The following LRRC49 variants were observed in gnomAD, a reference collection of about 807,000 sequenced individuals.
LRRC49 encodes the protein leucine-rich repeat-containing protein 49.
LRRC49 carries 50 observed loss-of-function variants against 83.3 expected under a neutral mutation model. That is an observed-to-expected ratio of 0.60 (90% CI 0.48 to 0.76). The LOEUF (loss-of-function observed/expected upper bound fraction) is 0.76. Ranked by LOEUF, LRRC49 falls within the 30% of genes least tolerant of loss-of-function variation. The probability of loss-of-function intolerance (pLI) is 0.00; values close to 1 mark genes in which losing one functional copy is unlikely to be tolerated. For synonymous variants in LRRC49, 286 were observed against 283.3 expected (o/e 1.01, Z -0.10); for missense variants, 704 against 809.1 (o/e 0.87, Z 1.58).
intron 8 of LRRC49, among the ~76,000 whole-genome samples, chr15:70,954,597 G>T (rs2036332804): frequency 1.3e-5 from 2 of 152,124 alleles, no homozygotes; most frequent in African/African-American, 4.8e-5. Context: ...TTTGGGTGAG[G>T]CTTTTTGTTT....
chr15:70,951,270 T>G (rs1344275924), intron 8 of LRRC49, among the ~76,000 whole-genome samples: 1 of 152,100 alleles, frequency 6.6e-6, no homozygotes, highest in East Asian at 1.9e-4. Context: ...ATATAGATTT[T>G]TATAATTTTT....
intron 11 of LRRC49, among the ~76,000 whole-genome samples, chr15:71,001,310 C>T (rs562893786): frequency 1.1e-3 from 171 of 152,252 alleles, no homozygotes; most frequent in African/African-American, 3.8e-3. Context: ...CTCTGTGAGA[C>T]TTTTGTTGGC....
chr15:70,886,803 T>C (rs2141088391), intron 2 of LRRC49, among the ~76,000 whole-genome samples: 1 of 151,598 alleles, frequency 6.6e-6, no homozygotes, highest in East Asian at 1.9e-4. Flanking sequence ...GTGGCAGAGG[T>C]TGTAGTGAGC....
intron 14 of LRRC49, among the ~76,000 whole-genome samples, chr15:71,019,738 T>C (rs2038936617): frequency 6.6e-6 from 1 of 152,218 alleles, no homozygotes; most frequent in Admixed American, 6.5e-5. Flanking sequence ...CATATAGATG[T>C]GCAGCCTGAA....
chr15:70,905,554 C>T (rs1173045864), intron 5 of LRRC49, among the ~76,000 whole-genome samples: 1 of 152,126 alleles, frequency 6.6e-6, no homozygotes, highest in African/African-American at 2.4e-5. Flanking sequence ...GACAGATTAA[C>T]AAGAGAAAAG....
intron 11 of LRRC49, among the ~76,000 whole-genome samples, chr15:71,005,546 C>G (rs1258787423): frequency 6.6e-6 from 1 of 151,914 alleles, no homozygotes; most frequent in Admixed American, 6.6e-5. Context: ...GAAATTATAT[C>G]CCATGTGTTT....
chr15:70,888,217 CAT>C (rs2033460781), upstream of LRRC49, among the ~76,000 whole-genome samples: 1 of 152,078 alleles, frequency 6.6e-6, no homozygotes, highest in Non-Finnish European at 1.5e-5. Flanking sequence ...AAGAGCCCAA[CAT>C]AGTCAAAATA....
At chr15:71,037,406 A>C in intron 15 of LRRC49, 74 bp downstream of exon 15, 1 of 1,231,838 alleles carries the variant, frequency 8.1e-7, no homozygotes, top group Non-Finnish European at 1.1e-6. Flanking sequence ...GGGGTTGTAC[A>C]TTTTACCCTT....
At chr15:70,911,669 A>T (rs1261887730) in intron 6 of LRRC49, 71 bp downstream of exon 6, 1 of 895,882 alleles carries the variant, frequency 1.1e-6, no homozygotes, top group Admixed American at 2.6e-5. Context: ...AAGTTTTAAG[A>T]ATCATACTCG....
At chr15:70,968,769 A>T (rs925811794) in intron 9 of LRRC49, among the ~76,000 whole-genome samples, 3 of 152,184 alleles carry the variant, frequency 2.0e-5, no homozygotes, top group African/African-American at 7.2e-5. Context: ...TGATGGCTAC[A>T]TAAATGTCTT....
rs768051428 is a variant in LRRC49, at chr15:70,963,919, T to C, written c.908T>C (p.Met303Thr). 1.9e-6 allele frequency: 3 copies of C among 1,613,134 alleles called. No homozygotes were observed. The highest frequency in any genetic ancestry group is 1.1e-5 in the South Asian group (1 of 90,934). The change falls in exon 9 of 16, where the codon ATG becomes ACG. Residue 303 changes from methionine to threonine, a missense_variant. Around this residue, in one of 3 missense-constraint regions of LRRC49, gnomAD observed 168 missense variants for 140.6 expected, o/e 1.20. Transcript: ENST00000260382. ...ATGATGCAGCTGCGCCAGCTAGATATGAAGAGAATCACGGTGAGAACCCTT... is the reference window on the plus strand; with the variant it reads ...ATGATGCAGCTGCGCCAGCTAGATACGAAGAGAATCACGGTGAGAACCCTT... Reference protein sequence around the residue: ...QNMMQLRQLDMKRITEEERRM... With the variant: ...QNMMQLRQLDTKRITEEERRM...
intron 13 of LRRC49, among the ~76,000 whole-genome samples, chr15:71,012,058 G>GTTATTTAGT (rs1347918010): frequency 3.3e-5 from 5 of 152,050 alleles, no homozygotes; most frequent in African/African-American, 4.8e-5. Context: ...AACTAAACAT[G>GTTATTTAGT]TCTCCAGACA....
At chr15:70,864,334 C>T (rs1377829823) in intron 1 of LRRC49, among the ~76,000 whole-genome samples, 2 of 152,166 alleles carry the variant, frequency 1.3e-5, no homozygotes, top group South Asian at 2.1e-4. Flanking sequence ...GTAGCCCAGA[C>T]TGCACATTCT....
chr15:71,042,019 A>G (rs563126013), intron 15 of LRRC49, among the ~76,000 whole-genome samples: 1 of 152,354 alleles, frequency 6.6e-6, no homozygotes, highest in East Asian at 1.9e-4. Flanking sequence ...CCAAGTATTA[A>G]AAGCAAAAGT....
rs114093059 is a variant in LRRC49, at chr15:70,930,199, C to T, written c.712-6562C>T. Among the ~76,000 whole-genome samples, 727 of 152,268 alleles carry T rather than the reference C, an allele frequency of 4.8e-3. 9 individuals carry two copies. Among genetic ancestry groups the T allele is most frequent in the African/African-American group, 0.017 (708 of 41,564 alleles). On this transcript the variant is annotated intron_variant, in intron 7 of 15. Coordinates refer to ENST00000260382, the MANE Select transcript of LRRC49 (RefSeq NM_017691.5). ...ATAATCCTTGAAAGTTGATATTACT[C>T]CTTGCTCCATGGACTGCAGAATGGA...
intron 8 of LRRC49, among the ~76,000 whole-genome samples, chr15:70,958,163 A>G (rs2141189667): frequency 6.6e-6 from 1 of 152,056 alleles, no homozygotes; most frequent in East Asian, 1.9e-4. Context: ...CCTGACTACT[A>G]CCTTGGTTTT....
At chr15:70,863,548 A>C (rs1385355685) in intron 1 of LRRC49, among the ~76,000 whole-genome samples, 3 of 152,240 alleles carry the variant, frequency 2.0e-5, no homozygotes, top group African/African-American at 7.2e-5. Context: ...AGAACCAGTT[A>C]GCAGATTCAA....
chr15:70,882,158 G>T, intron 2 of LRRC49: 1 of 272,640 alleles, frequency 3.7e-6, no homozygotes, highest in East Asian at 7.6e-5. Context: ...AATATTCAAT[G>T]CTTAATTTTG....
At chr15:70,875,359 G>T (rs2033131288) in intron 2 of LRRC49, among the ~76,000 whole-genome samples, 1 of 152,148 alleles carries the variant, frequency 6.6e-6, no homozygotes, top group Non-Finnish European at 1.5e-5. Flanking sequence ...TATGGGTAAG[G>T]GGTTGATGGG....
Sources: allele counts gnomAD v4.1 joint callset (sites outside exome capture counted in the v4.1 genomes callset), GRCh38; gene constraint gnomAD v4.1.1; regional missense constraint gnomAD v4.1.1; transcripts MANE v1.5; gene names NCBI Gene and HGNC (gene_info 2026-07-23, HGNC 2026-07-21).